SCHIP1: variants seen among roughly 807,000 people sequenced by gnomAD.
The protein encoded by SCHIP1 is schwannomin interacting protein 1.
In SCHIP1, 8 loss-of-function variants were observed where a neutral mutation model predicts 29.7. That is an observed-to-expected ratio of 0.27 (90% CI 0.16 to 0.49). The LOEUF is 0.49. Ranked by LOEUF, SCHIP1 falls within the 20% of genes least tolerant of loss-of-function variation. The pLI, the probability that SCHIP1 is intolerant of heterozygous loss-of-function variation, is 0.99. For missense variants in SCHIP1, 193 were observed against 294.6 expected (o/e 0.66, Z 2.52); for synonymous variants, 76 against 94.9 (o/e 0.80, Z 1.16).
chr3:159,716,841 G>T, the SCHIP1 span, among the ~76,000 whole-genome samples: 3 of 152,076 alleles, frequency 2.0e-5, no homozygotes, highest in Non-Finnish European at 2.9e-5. Flanking sequence ...GAGACAGAAA[G>T]TTAAAAAGGA....
At chr3:159,398,137 G>A in the SCHIP1 span, among the ~76,000 whole-genome samples, 1 of 152,146 alleles carries the variant, frequency 6.6e-6, no homozygotes, top group African/African-American at 2.4e-5. Context: ...GGAACTCCCT[G>A]ACCCTTTGCG....
the SCHIP1 span, among the ~76,000 whole-genome samples, chr3:159,520,399 G>T: frequency 6.6e-6 from 1 of 152,110 alleles, no homozygotes; most frequent in Non-Finnish European, 1.5e-5. Flanking sequence ...GCAGTCTTGG[G>T]GGTACAGGAC....
At chr3:159,563,076 C>A in the SCHIP1 span, among the ~76,000 whole-genome samples, 1 of 152,168 alleles carries the variant, frequency 6.6e-6, no homozygotes, top group Non-Finnish European at 1.5e-5. Flanking sequence ...GATATTACAA[C>A]TCAGTCAGGA....
the SCHIP1 span, among the ~76,000 whole-genome samples, chr3:159,795,413 T>C: frequency 3.3e-5 from 5 of 152,230 alleles, no homozygotes. Context: ...CTAGTAATAG[T>C]ACTTCCCAGG....
intron 2 of SCHIP1, among the ~76,000 whole-genome samples, chr3:159,874,341 C>T (rs1715563800): frequency 6.6e-6 from 1 of 152,198 alleles, no homozygotes; most frequent in African/African-American, 2.4e-5. Context: ...TGAGCAGCTG[C>T]TTTGAATAAT....
At chr3:159,533,376 A>G in the SCHIP1 span, among the ~76,000 whole-genome samples, 1 of 152,188 alleles carries the variant, frequency 6.6e-6, no homozygotes, top group African/African-American at 2.4e-5. Context: ...TGAGGAAGGC[A>G]GTAGGCAAAA....
chr3:159,583,005 A>T, the SCHIP1 span, among the ~76,000 whole-genome samples: 1 of 152,254 alleles, frequency 6.6e-6, no homozygotes, highest in South Asian at 2.1e-4. Context: ...TATTTTGTTG[A>T]TCTGTAAATA....
the SCHIP1 span, among the ~76,000 whole-genome samples, chr3:159,587,982 C>T: frequency 3.9e-5 from 6 of 152,012 alleles, no homozygotes; most frequent in African/African-American, 1.5e-4. Context: ...GGGTATATAC[C>T]CAGTAATTGG....
At chr3:159,586,733 T>C in the SCHIP1 span, among the ~76,000 whole-genome samples, 1 of 152,084 alleles carries the variant, frequency 6.6e-6, no homozygotes, top group Non-Finnish European at 1.5e-5. Flanking sequence ...CTGAGGATGG[T>C]CCAGGGCTTT....
At chr3:159,436,444 T>G in the SCHIP1 span, among the ~76,000 whole-genome samples, 6,322 of 152,204 alleles carry the variant, frequency 0.042, 454 homozygotes, top group African/African-American at 0.15. Context: ...TAGCAGAGAA[T>G]TTGTCTCCAT....
the SCHIP1 span, among the ~76,000 whole-genome samples, chr3:159,404,152 C>A: frequency 6.6e-6 from 1 of 152,098 alleles, no homozygotes; most frequent in Non-Finnish European, 1.5e-5. Flanking sequence ...TTGCTGTGGG[C>A]CTTGGGTAAG....
chr3:159,513,953 T>C, the SCHIP1 span, among the ~76,000 whole-genome samples: 1 of 152,234 alleles, frequency 6.6e-6, no homozygotes, highest in Non-Finnish European at 1.5e-5. Context: ...AAATATTGTG[T>C]CTGTTGGACA....
At chr3:159,626,130 A>C in the SCHIP1 span, among the ~76,000 whole-genome samples, 480 of 122,552 alleles carry the variant, frequency 3.9e-3, 11 homozygotes, top group African/African-American at 0.016. Context: ...AGATAGATAG[A>C]TAGATAGATA....
At chr3:159,526,950 T>C in the SCHIP1 span, among the ~76,000 whole-genome samples, 3 of 152,162 alleles carry the variant, frequency 2.0e-5, no homozygotes, top group African/African-American at 7.2e-5. Flanking sequence ...GAACAAAAGG[T>C]CGCTTTTCCA....
At chr3:159,417,213 G>C in the SCHIP1 span, among the ~76,000 whole-genome samples, 6 of 152,152 alleles carry the variant, frequency 3.9e-5, no homozygotes, top group African/African-American at 7.2e-5. Context: ...TCCTCCAAAA[G>C]AGAAGTTCCT....
chr3:159,442,798 G>A, the SCHIP1 span, among the ~76,000 whole-genome samples: 1 of 152,154 alleles, frequency 6.6e-6, no homozygotes, highest in Non-Finnish European at 1.5e-5. Flanking sequence ...TGGGGATGGA[G>A]GTGAGGAGAC....
chr3:159,583,270 C>T, the SCHIP1 span, among the ~76,000 whole-genome samples: 1 of 152,136 alleles, frequency 6.6e-6, no homozygotes, highest in African/African-American at 2.4e-5. Context: ...GACTAACTCA[C>T]ATGTCATAGC....
At chr3:159,633,604 T>G in the SCHIP1 span, among the ~76,000 whole-genome samples, 1 of 152,182 alleles carries the variant, frequency 6.6e-6, no homozygotes, top group Non-Finnish European at 1.5e-5. Flanking sequence ...ATGGAGTAGT[T>G]CCCTGGGAAT....
chr3:159,850,164 G>T (rs146912970), intron 1 of SCHIP1, among the ~76,000 whole-genome samples: 1 of 152,152 alleles, frequency 6.6e-6, no homozygotes, highest in South Asian at 2.1e-4. Flanking sequence ...GCGACAATAC[G>T]TGCTGGGTGT....
Sources: allele counts gnomAD v4.1 joint callset (sites outside exome capture counted in the v4.1 genomes callset), GRCh38; gene constraint gnomAD v4.1.1; transcripts MANE v1.5; gene names NCBI Gene and HGNC (gene_info 2026-07-23, HGNC 2026-07-21).